The following ATP8A2 variants were observed in gnomAD, a reference collection of about 807,000 sequenced individuals.
ATP8A2 encodes the protein ATPase phospholipid transporting 8A2.
A neutral mutation model predicts 165.6 loss-of-function variants in ATP8A2; 100 were observed. The ratio of observed to expected loss-of-function variants is 0.60; its 90% CI spans 0.51 to 0.71. The LOEUF (loss-of-function observed/expected upper bound fraction) is 0.71. Ranked by LOEUF, ATP8A2 falls within the 30% of genes least tolerant of loss-of-function variation. ATP8A2 has a pLI of 0.00. For synonymous variants in ATP8A2, 543 were observed against 548.8 expected (o/e 0.99, Z 0.15); for missense variants, 1,227 against 1,479.5 (o/e 0.83, Z 2.80).
At chr13:25,580,350 C>T (rs969801650) in intron 22 of ATP8A2, among the ~76,000 whole-genome samples, 9 of 152,134 alleles carry the variant, frequency 5.9e-5, no homozygotes, top group Admixed American at 2.0e-4. Context: ...TAAACTTTGC[C>T]GTTGCTACTC....
chr13:25,711,474 C>T (rs1221931392), intron 25 of ATP8A2, among the ~76,000 whole-genome samples: 1 of 152,002 alleles, frequency 6.6e-6, no homozygotes. Flanking sequence ...TTTTGGGAGG[C>T]TGAGGCGAAA....
chr13:25,504,187 T>C (rs985864986), intron 2 of ATP8A2, among the ~76,000 whole-genome samples: 1 of 152,190 alleles, frequency 6.6e-6, no homozygotes, highest in Admixed American at 6.5e-5. Flanking sequence ...CAGTTTTGCA[T>C]TGAATACCGT....
intron 25 of ATP8A2, among the ~76,000 whole-genome samples, chr13:25,765,705 T>C (rs1476933549): frequency 6.6e-6 from 1 of 152,200 alleles, no homozygotes; most frequent in Non-Finnish European, 1.5e-5. Context: ...TGTTCATAGA[T>C]TGTACTTTAA....
At position 26,020,070 on chromosome 13, in the gene ATP8A2, C is replaced by A; in HGVS notation, c.*85C>A. 1 of 978,196 alleles carries A rather than the reference C, an allele frequency of 1.0e-6. No individual in the cohort carries two copies. Among genetic ancestry groups the A allele is most frequent in the Non-Finnish European group, 1.6e-6 (1 of 626,996 alleles). 60.6% of individuals were successfully genotyped at this position (978,196 alleles called of 1,614,324 possible). On this transcript the variant is annotated 3_prime_UTR_variant, in exon 37 of 37. Coordinates refer to ENST00000381655, the MANE Select transcript of ATP8A2 (RefSeq NM_016529.6). ...ACACATCTTTGTCAGAGAAGACTGG[C>A]GTCAGCAGCCAAAACACCAGGAAAC...
chr13:25,417,676 A>C (rs2034174715), intron 1 of ATP8A2, among the ~76,000 whole-genome samples: 3 of 152,188 alleles, frequency 2.0e-5, no homozygotes, highest in Admixed American at 2.0e-4. Flanking sequence ...TTTCTGACTC[A>C]CTATATTTGG....
At chr13:25,412,554 G>A (rs996048991) in intron 1 of ATP8A2, among the ~76,000 whole-genome samples, 1 of 152,182 alleles carries the variant, frequency 6.6e-6, no homozygotes, top group Non-Finnish European at 1.5e-5. Flanking sequence ...CAGAACCACT[G>A]GCCAGGTGGC....
At chr13:25,538,798 T>G (rs1456011865) in intron 7 of ATP8A2, among the ~76,000 whole-genome samples, 5 of 152,200 alleles carry the variant, frequency 3.3e-5, no homozygotes, top group Non-Finnish European at 7.3e-5. Context: ...GCATTTTCTT[T>G]GATTGCAGAC....
intron 2 of ATP8A2, among the ~76,000 whole-genome samples, chr13:25,505,009 A>G (rs1422122301): frequency 6.6e-6 from 1 of 152,150 alleles, no homozygotes; most frequent in Non-Finnish European, 1.5e-5. Flanking sequence ...TGGGGAAATT[A>G]CTGCTCTTAC....
chr13:25,394,370 T>G (rs1047178083), intron 1 of ATP8A2, among the ~76,000 whole-genome samples: 1 of 152,220 alleles, frequency 6.6e-6, no homozygotes, highest in African/African-American at 2.4e-5. Context: ...TAAACTTGCT[T>G]TGTGTAATTT....
chr13:25,491,915 GTA>G (rs2036538840), intron 2 of ATP8A2, among the ~76,000 whole-genome samples: 1 of 152,122 alleles, frequency 6.6e-6, no homozygotes, highest in South Asian at 2.1e-4. Flanking sequence ...CATAAATATT[GTA>G]TCAGTCTGTA....
chr13:25,723,217 C>T (rs997110120), intron 25 of ATP8A2, among the ~76,000 whole-genome samples: 2 of 152,200 alleles, frequency 1.3e-5, no homozygotes, highest in Non-Finnish European at 2.9e-5. Context: ...GGGGAGTGGG[C>T]ATTTTTAACT....
At chr13:25,485,311 AC>A (rs575883785) in intron 2 of ATP8A2, among the ~76,000 whole-genome samples, 28 of 152,224 alleles carry the variant, frequency 1.8e-4, no homozygotes, top group Non-Finnish European at 3.1e-4. Context: ...TTGGGGAGGT[AC>A]CACCATTATT....
chr13:25,930,025 C>T (rs930512388), intron 33 of ATP8A2, among the ~76,000 whole-genome samples: 2 of 152,102 alleles, frequency 1.3e-5, no homozygotes, highest in Non-Finnish European at 2.9e-5. Context: ...CCTGTGCTGC[C>T]CCACGTGCCT....
At chr13:25,757,013 C>A (rs73478880) in intron 25 of ATP8A2, among the ~76,000 whole-genome samples, 3,911 of 152,212 alleles carry the variant, frequency 0.026, 163 homozygotes, top group African/African-American at 0.089. Flanking sequence ...CCACCCTTCC[C>A]CCTCATTAAT....
chr13:25,631,028 T>C (rs2041228872), intron 24 of ATP8A2, among the ~76,000 whole-genome samples: 1 of 152,164 alleles, frequency 6.6e-6, no homozygotes, highest in South Asian at 2.1e-4. Flanking sequence ...TTAATTACAG[T>C]ATTTGCATCT....
chr13:25,489,262 G>C (rs1384633120), intron 2 of ATP8A2, among the ~76,000 whole-genome samples: 1 of 152,038 alleles, frequency 6.6e-6, no homozygotes, highest in African/African-American at 2.4e-5. Context: ...CATCTCCCCA[G>C]GCTCCTCTTC....
chr13:25,749,506 G>C (rs1223114253), intron 25 of ATP8A2, among the ~76,000 whole-genome samples: 3 of 152,052 alleles, frequency 2.0e-5, no homozygotes, highest in Non-Finnish European at 2.9e-5. Flanking sequence ...GGGTGAGGAG[G>C]GGGTGTAGGC....
At chr13:25,442,455 C>T (rs934486916) in intron 1 of ATP8A2, among the ~76,000 whole-genome samples, 6 of 152,102 alleles carry the variant, frequency 3.9e-5, no homozygotes, top group Non-Finnish European at 7.3e-5. Flanking sequence ...GCTCTGTCAC[C>T]CACGTTGAAG....
chr13:25,409,550 CA>C (rs2033905981), intron 1 of ATP8A2, among the ~76,000 whole-genome samples: 1 of 152,250 alleles, frequency 6.6e-6, no homozygotes, highest in Admixed American at 6.5e-5. Context: ...GAGCTTCAGA[CA>C]GAGCAAAAAC....
Sources: allele counts gnomAD v4.1 joint callset (sites outside exome capture counted in the v4.1 genomes callset), GRCh38; gene constraint gnomAD v4.1.1; transcripts MANE v1.5; gene names NCBI Gene and HGNC (gene_info 2026-07-23, HGNC 2026-07-21).